Variants in GALNT5 observed in about 807,000 individuals in gnomAD.
GALNT5 encodes polypeptide N-acetylgalactosaminyltransferase 5, also known as UDP-GalNAc:polypeptide N-acetylgalactosaminyltransferase 5.
GALNT5 carries 72 observed loss-of-function variants against 85.4 expected under a neutral mutation model. That is an observed-to-expected ratio of 0.84 (90% CI 0.70 to 1.03). The LOEUF (loss-of-function observed/expected upper bound fraction) is 1.03. GALNT5 is among the 50% of genes least tolerant of loss of function. The probability of loss-of-function intolerance (pLI) is 0.00; values close to 1 mark genes in which losing one functional copy is unlikely to be tolerated. For missense variants in GALNT5, 1,137 were observed against 1,135.5 expected, an observed-to-expected ratio of 1.00 and a Z score of -0.02; for synonymous variants, 404 against 397.0, an observed-to-expected ratio of 1.02 and a Z score of -0.21.
rs976883905 is a variant in GALNT5, at chr2:157,312,067, G to A, written c.*719G>A. ...TTCATTTTGTGCTTTTAAAACTACAGTTTTAAAGATTTATGATACCAATAA... is the reference window on the plus strand; with the variant it reads ...TTCATTTTGTGCTTTTAAAACTACAATTTTAAAGATTTATGATACCAATAA... On this transcript the variant is annotated 3_prime_UTR_variant, in exon 10 of 10. Coordinates refer to ENST00000259056, the MANE Select transcript of GALNT5 (RefSeq NM_014568.3). 1.3e-5 allele frequency: 2 copies of A among 152,038 alleles called. No homozygotes were observed. Among genetic ancestry groups the A allele is most frequent in the African/African-American group, 4.8e-5 (2 of 41,392 alleles). 9.4% of individuals were successfully genotyped at this position (152,038 alleles called of 1,614,324 possible). A position where few individuals can be genotyped will look rare whatever the true frequency, so the allele number is the denominator to read the frequency against.
intron 3 of GALNT5, among the ~76,000 whole-genome samples, chr2:157,292,704 G>A (rs922699875): frequency 4.0e-5 from 6 of 151,444 alleles, no homozygotes; most frequent in African/African-American, 1.2e-4. Flanking sequence ...AGTAGAAATC[G>A]TATTATTATT....
At chr2:157,282,808 G>A (rs560984086) in intron 1 of GALNT5, among the ~76,000 whole-genome samples, 1 of 152,108 alleles carries the variant, frequency 6.6e-6, no homozygotes, top group Admixed American at 6.5e-5. Flanking sequence ...TGGATGATGT[G>A]GGTAAGTCAT....
In GALNT5 at chr2:157,286,102, G is replaced by A; in HGVS notation, c.1709G>A (p.Arg570Lys). The A allele has an allele frequency of 6.2e-7, 1 of 1,613,344 alleles. No homozygotes were observed. The highest frequency in any genetic ancestry group is 1.1e-5 in the South Asian group (1 of 91,072). Residue 570 changes from arginine (R) to lysine (K), a missense_variant, in exon 3 of 10, where the codon AGG becomes AAG. Coordinates refer to ENST00000259056, the MANE Select transcript of GALNT5 (RefSeq NM_014568.3). ...CTCAAAGAGAGACATGGCTTAATAAGGGCCAGGCTGGCAGGAGCACAGAAT... is the reference window on the plus strand; with the variant it reads ...CTCAAAGAGAGACATGGCTTAATAAAGGCCAGGCTGGCAGGAGCACAGAAT... ...LRLKERHGLIRARLAGAQNAT... is the reference protein window; with the variant it reads ...LRLKERHGLIKARLAGAQNAT...
At position 157,318,200 on chromosome 2, in the gene GALNT5, T is replaced by C. The variant is rs1683763296; in HGVS notation, c.*6852T>C. On this transcript the variant is annotated 3_prime_UTR_variant, in exon 10 of 10. Transcript: ENST00000259056. ...TGTTTTCCCTATCACATTGAAAAAC[T>C]TAAATGTCCGTTCTCCATTTGAAAA... 6.6e-6 allele frequency among the ~76,000 whole-genome samples: 1 copy of C among 152,080 alleles called. No individual in the cohort carries two copies. The highest frequency in any genetic ancestry group is 2.4e-5 in the African/African-American group (1 of 41,450).
chr2:157,272,209 A>G (rs1352417127), intron 1 of GALNT5, among the ~76,000 whole-genome samples: 1 of 152,030 alleles, frequency 6.6e-6, no homozygotes, highest in Non-Finnish European at 1.5e-5. Context: ...TGATGCTCAT[A>G]AATATGATTC....
chr2:157,285,871 A>G, intron 2 of GALNT5, 144 bp from the exon 3 acceptor site: 2 of 604,326 alleles, frequency 3.3e-6, no homozygotes, highest in Non-Finnish European at 5.9e-6. Context: ...ATGACATCAG[A>G]AAATAAAATT....
At position 157,316,235 on chromosome 2, in the gene GALNT5, A is replaced by G. The variant is rs62175214; in HGVS notation, c.*4887A>G. 0.029 allele frequency among the ~76,000 whole-genome samples: 4,408 copies of G among 152,154 alleles called. 93 individuals carry two copies. Among genetic ancestry groups the G allele is most frequent in the Non-Finnish European group, 0.044 (2,992 of 68,000 alleles). ...CCAGGTACAGCTGCTAGCTTTACAT[A>G]TGGGAGCCTCTAGCTTGCATATCTA... On this transcript the variant is annotated 3_prime_UTR_variant, in exon 10 of 10. Coordinates refer to ENST00000259056, the MANE Select transcript of GALNT5 (RefSeq NM_014568.3).
intron 9 of GALNT5, among the ~76,000 whole-genome samples, chr2:157,309,302 A>G (rs950870099): frequency 6.6e-6 from 1 of 152,218 alleles, no homozygotes; most frequent in African/African-American, 2.4e-5. Flanking sequence ...TGGTAGCTGG[A>G]AACTGGCCAT....
At chr2:157,292,018 T>C (rs1028532908) in intron 3 of GALNT5, among the ~76,000 whole-genome samples, 5 of 152,348 alleles carry the variant, frequency 3.3e-5, no homozygotes, top group African/African-American at 9.6e-5. Context: ...ACAATTATTA[T>C]GTGTCATTTA....
intron 2 of GALNT5, among the ~76,000 whole-genome samples, chr2:157,285,175 T>A (rs13422538): frequency 0.21 from 32,701 of 152,156 alleles, 3,722 homozygotes; most frequent in East Asian, 0.45. Context: ...CACAGCAACA[T>A]GGGAAGTTTC....
intron 3 of GALNT5, among the ~76,000 whole-genome samples, chr2:157,290,084 A>AAAGTATATATAT (rs1342090190): frequency 3.0e-5 from 1 of 33,690 alleles, no homozygotes; most frequent in African/African-American, 1.1e-4. Context: ...AAAAAAAAAA[A>AAAGTATATATAT]ATGTATATAT....
At chr2:157,309,452 A>G (rs1243864507) in intron 9 of GALNT5, among the ~76,000 whole-genome samples, 3 of 152,204 alleles carry the variant, frequency 2.0e-5, no homozygotes, top group Non-Finnish European at 4.4e-5. Flanking sequence ...TGTCCCAATT[A>G]CATTTTAACA....
rs1682925693 is a variant in GALNT5 at position 157,284,383 on chromosome 2, T to G, written c.1556T>G (p.Val519Gly). The change falls in exon 2 of 10, where the codon GTC (valine) becomes GGC (glycine). Residue 519 changes from valine (V) to glycine (G), a missense_variant. Coordinates refer to ENST00000259056, the MANE Select transcript of GALNT5 (RefSeq NM_014568.3). ...ACTCTCCTGAGATCTGTTCACAGTG[T>G]CATCAATCGCTCTCCTCCACACCTC... is the stretch of plus-strand genomic sequence containing the variant. ...WSTLLRSVHS[V>G]INRSPPHLIK... The G allele has an allele frequency of 6.2e-7, 1 of 1,613,868 alleles. No individual in the cohort carries two copies. Among genetic ancestry groups the G allele is most frequent in the Admixed American group, 1.7e-5 (1 of 59,998 alleles).
At chr2:157,296,087 C>T (rs1415286655) in intron 4 of GALNT5, among the ~76,000 whole-genome samples, 2 of 151,996 alleles carry the variant, frequency 1.3e-5, no homozygotes, top group Non-Finnish European at 2.9e-5. Flanking sequence ...ATTTATTTAC[C>T]TCAAATTTAG....
chr2:157,285,980 C>A (rs745409325), intron 2 of GALNT5, 35 bp from the exon 3 acceptor site: 2 of 1,534,618 alleles, frequency 1.3e-6, no homozygotes, highest in East Asian at 4.6e-5. Context: ...TTACTTAATT[C>A]AAGTATTTCC....
At position 157,258,918 on chromosome 2, in the gene GALNT5, C is replaced by T. The variant is rs143195308; in HGVS notation, c.836C>T (p.Pro279Leu). 32 of 1,551,960 alleles carry T rather than the reference C, an allele frequency of 2.1e-5. No homozygotes were observed. In the African/African-American group the frequency reaches 4.0e-4, roughly 19 times the overall value. The change falls in exon 1 of 10, where the codon CCT becomes CTT. Residue 279 changes from proline (P) to leucine (L), a missense_variant. By Grantham distance (98) the Pro-to-Leu change is moderately conservative. Transcript: ENST00000259056. ...AAAGCCAATACGAGTCTTCCTTTTC[C>T]TAAGTTCACTGTCAATTCAAATCGC... ...KHKANTSLPF[P>L]KFTVNSNRLR...
Position 157,275,229 on chromosome 2 carries a change from C to T in GALNT5, c.1455-9053C>T, listed in dbSNP as rs548063226. Among the ~76,000 whole-genome samples, 13 of 152,164 alleles carry T rather than the reference C, an allele frequency of 8.5e-5. No individual in the cohort carries two copies. In the East Asian group the frequency reaches 1.4e-3, roughly 16 times the overall value. On this transcript the variant is annotated intron_variant, in intron 1 of 9. Transcript: ENST00000259056. Reference sequence around the variant, plus strand: ...CAGTACCATGCTGTTTTGGTTACTGCGGCCTTGTAGTATAGTTTGAAGTCA... The same window carrying T: ...CAGTACCATGCTGTTTTGGTTACTGTGGCCTTGTAGTATAGTTTGAAGTCA...
chr2:157,316,038 G>A lies in GALNT5; in HGVS notation c.*4690G>A, dbSNP rs569662597. ...AACCAGGTATACTACTTACATAGCC[G>A]GTGAAAAGACTGGCCCTCCCACCCT... is the stretch of plus-strand genomic sequence containing the variant. On this transcript the variant is annotated 3_prime_UTR_variant, in exon 10 of 10. Coordinates refer to ENST00000259056, the MANE Select transcript of GALNT5 (RefSeq NM_014568.3). Among the ~76,000 whole-genome samples, 4 of 152,012 alleles carry A rather than the reference G, an allele frequency of 2.6e-5. No individual in the cohort carries two copies. The highest frequency in any genetic ancestry group is 4.8e-5 in the African/African-American group (2 of 41,446).
intron 1 of GALNT5, among the ~76,000 whole-genome samples, chr2:157,276,463 T>C (rs941909806): frequency 6.6e-6 from 1 of 152,190 alleles, no homozygotes; most frequent in African/African-American, 2.4e-5. Flanking sequence ...CTGGACTTTT[T>C]TTGACTGGTA....
Sources: gnomAD v4.1 joint callset for allele counts (sites outside exome capture counted in the v4.1 genomes callset) on GRCh38, gnomAD v4.1.1 for gene constraint, MANE v1.5 for transcripts, NCBI Gene and HGNC (gene_info 2026-07-23, HGNC 2026-07-21) for gene names.